The following SF3B3 variants were observed in gnomAD, a reference collection of about 807,000 sequenced individuals.
SF3B3 encodes the protein splicing factor 3b subunit 3, also known as SAP 130.
A neutral mutation model predicts 139.2 loss-of-function variants in SF3B3; 33 were observed. The observed-to-expected ratio is 0.24, with a 90% confidence interval of 0.18 to 0.32. The LOEUF is 0.32. Ranked by LOEUF, SF3B3 falls within the 10% of genes least tolerant of loss-of-function variation. The pLI is 1.00. For synonymous variants in SF3B3, 596 were observed against 563.6 expected, an observed-to-expected ratio of 1.06 and a Z score of -0.81; for missense variants, 818 against 1,509.4, an observed-to-expected ratio of 0.54 and a Z score of 7.59.
At chr16:70,526,967 A>G in intron 2 of SF3B3, 1 of 572,022 alleles carries the variant, frequency 1.7e-6, no homozygotes. Context: ...TTGGCTGCTT[A>G]CCTAGTGCCA....
chr16:70,566,032 G>T (rs529337604), intron 20 of SF3B3, among the ~76,000 whole-genome samples: 32 of 151,588 alleles, frequency 2.1e-4, no homozygotes, highest in Non-Finnish European at 4.3e-4. Flanking sequence ...CAGGAGAATC[G>T]CTTGAACCCG....
chr16:70,526,555 C>T, intron 1 of SF3B3, 32 bp from the exon 2 acceptor site: 1 of 751,126 alleles, frequency 1.3e-6, no homozygotes, highest in Non-Finnish European at 2.3e-6. Flanking sequence ...GTAATAGTCT[C>T]CCAGCTATTT....
chr16:70,544,364 G>T, intron 9 of SF3B3, 74 bp from the exon 10 acceptor site: 1 of 814,110 alleles, frequency 1.2e-6, no homozygotes, highest in Admixed American at 2.0e-5. Flanking sequence ...GGATGTCTGG[G>T]ATACTAGAGA....
intron 9 of SF3B3, among the ~76,000 whole-genome samples, chr16:70,543,116 G>C (rs556967958): frequency 6.6e-6 from 1 of 151,682 alleles, no homozygotes; most frequent in South Asian, 2.1e-4. Flanking sequence ...TATTCATCAA[G>C]AATAAAATTA....
At chr16:70,567,226 T>C (rs192804598) in intron 20 of SF3B3, among the ~76,000 whole-genome samples, 185 bp from the exon 21 acceptor site, 2 of 152,312 alleles carry the variant, frequency 1.3e-5, no homozygotes, top group African/African-American at 4.8e-5. Context: ...CATTGATCCC[T>C]CTACTGAGTG....
At chr16:70,529,548 A>G (rs1394142351) in intron 3 of SF3B3, 2 of 239,932 alleles carry the variant, frequency 8.3e-6, no homozygotes, top group Non-Finnish European at 1.6e-5. Flanking sequence ...CTCTTCTCTG[A>G]TAAATTCTTG....
rs758147542 is a variant in SF3B3 at position 70,571,859 on chromosome 16, T to G, written c.*46T>G. The G allele has an allele frequency of 4.5e-6, 7 of 1,568,328 alleles. No homozygotes were observed. In the East Asian group the frequency reaches 1.6e-4, roughly 35 times the overall value. On this transcript the variant is annotated 3_prime_UTR_variant, in exon 26 of 26. Coordinates refer to ENST00000302516, the MANE Select transcript of SF3B3 (RefSeq NM_012426.5). Reference sequence around the variant, plus strand: ...CTTGCCAGAGACTGTGTGTTTTGTTTCCCCCACCACCATCACTGCCACCTG... The same window carrying G: ...CTTGCCAGAGACTGTGTGTTTTGTTGCCCCCACCACCATCACTGCCACCTG...
chr16:70,528,665 C>T (rs886513694), intron 2 of SF3B3, among the ~76,000 whole-genome samples: 3 of 151,596 alleles, frequency 2.0e-5, no homozygotes, highest in South Asian at 2.1e-4. Flanking sequence ...TTGCCCAGGC[C>T]GGAGTGCAGT....
chr16:70,557,874 A>G (rs1218130563), intron 15 of SF3B3, among the ~76,000 whole-genome samples: 2 of 152,188 alleles, frequency 1.3e-5, no homozygotes, highest in Non-Finnish European at 2.9e-5. Context: ...TTTGTAAGAT[A>G]CTAGTATTAT....
At chr16:70,550,750 T>C (rs1179142240) in intron 11 of SF3B3, 1 of 766,384 alleles carries the variant, frequency 1.3e-6, no homozygotes, top group East Asian at 1.3e-4. Context: ...GCACAAAATA[T>C]TGAGGCTGCC....
At chr16:70,546,997 G>A (rs912364008) in intron 10 of SF3B3, among the ~76,000 whole-genome samples, 9 of 151,662 alleles carry the variant, frequency 5.9e-5, no homozygotes, top group Non-Finnish European at 1.0e-4. Flanking sequence ...CATTGCACTC[G>A]AGCCTGGGCG....
At chr16:70,571,616 G>A in intron 25 of SF3B3, 57 bp from the exon 26 acceptor site, 6 of 1,566,574 alleles carry the variant, frequency 3.8e-6, no homozygotes, top group Non-Finnish European at 5.2e-6. Context: ...TTTAGCATGT[G>A]CCATTTTCTT....
chr16:70,554,184 T>C lies in SF3B3; in HGVS notation c.1403-262T>C. On this transcript the variant is annotated intron_variant, in intron 11 of 25. Coordinates refer to ENST00000302516, the MANE Select transcript of SF3B3 (RefSeq NM_012426.5). ...ATTTAAAATGTCCTCATGTCTCCGATTCTCTTGCTTTGTCCTCTCACTTCT... is the reference window on the plus strand; with the variant it reads ...ATTTAAAATGTCCTCATGTCTCCGACTCTCTTGCTTTGTCCTCTCACTTCT... 4 of 344,064 alleles carry C rather than the reference T, an allele frequency of 1.2e-5. No homozygotes were observed. In the South Asian group the frequency reaches 1.2e-4, roughly 11 times the overall value. The allele number at this position is 344,064 out of a possible 1,614,324, so 21.3% of individuals were successfully genotyped here. A position where few individuals can be genotyped will look rare whatever the true frequency, so the allele number is the denominator to read the frequency against.
chr16:70,565,705 C>T lies in SF3B3; in HGVS notation c.2826+181C>T, dbSNP rs111722016. On this transcript the variant is annotated intron_variant, in intron 20 of 25. Coordinates refer to ENST00000302516, the MANE Select transcript of SF3B3 (RefSeq NM_012426.5). ...GATGTTCTTGTGCCTGTGCATTCCA[C>T]AGGAAGGCTTTGTGCTAACCATCCA... 1,411 of 599,930 alleles carry T rather than the reference C, an allele frequency of 2.4e-3. 17 individuals carry two copies. The highest frequency in any genetic ancestry group is 0.023 in the African/African-American group (1,222 of 54,054). The allele number at this position is 599,930 out of a possible 1,614,324, so 37.2% of individuals were successfully genotyped here. A position where few individuals can be genotyped will look rare whatever the true frequency, so the allele number is the denominator to read the frequency against.
chr16:70,536,269 G>A (rs2050165404), intron 6 of SF3B3, among the ~76,000 whole-genome samples: 1 of 151,950 alleles, frequency 6.6e-6, no homozygotes, highest in Admixed American at 6.6e-5. Flanking sequence ...CCGGGTTCAA[G>A]TGATTTTCCC....
intron 20 of SF3B3, chr16:70,565,757 T>C (rs1357051530): frequency 2.9e-5 from 14 of 488,844 alleles, no homozygotes; most frequent in Non-Finnish European, 3.7e-5. Flanking sequence ...GCACATTCAA[T>C]TGGTCTCTTT....
chr16:70,530,600 A>G (rs1035763928), intron 3 of SF3B3, 145 bp from the exon 4 acceptor site: 2 of 749,656 alleles, frequency 2.7e-6, no homozygotes, highest in East Asian at 2.6e-5. Context: ...CTGATGATAG[A>G]AAACAGAATC....
intron 15 of SF3B3, among the ~76,000 whole-genome samples, chr16:70,557,719 A>T (rs764128764): frequency 1.3e-5 from 2 of 151,026 alleles, no homozygotes; most frequent in East Asian, 1.9e-4. Context: ...TTTTCGGTCT[A>T]TTTTTTTCTT....
In SF3B3 at chr16:70,535,363, T is replaced by A; in HGVS notation, c.768T>A (p.Ile256=). Residue 256 remains isoleucine (I), a synonymous_variant, in exon 6 of 26, where the codon ATT becomes ATA. Coordinates refer to ENST00000302516, the MANE Select transcript of SF3B3 (RefSeq NM_012426.5). ...TACTGATCTGCTCTGAAAACTATAT[T>A]ACTTACAAGAACTTTGGTGACCAGC... ...SGVLICSENY[I]TYKNFGDQPD... 6.2e-7 allele frequency: 1 copy of A among 1,612,250 alleles called. No homozygotes were observed. Among genetic ancestry groups the A allele is most frequent in the Non-Finnish European group, 8.5e-7 (1 of 1,178,990 alleles).
Sources: allele counts gnomAD v4.1 joint callset (sites outside exome capture counted in the v4.1 genomes callset), GRCh38; gene constraint gnomAD v4.1.1; transcripts MANE v1.5; gene names NCBI Gene and HGNC (gene_info 2026-07-23, HGNC 2026-07-21).